The following DCLK1 variants were observed in gnomAD, a reference collection of about 807,000 sequenced individuals.
DCLK1 encodes serine/threonine-protein kinase DCLK1.
DCLK1 carries 16 observed loss-of-function variants against 86.2 expected under a neutral mutation model. The ratio of observed to expected loss-of-function variants is 0.19; its 90% CI spans 0.13 to 0.28. The LOEUF (loss-of-function observed/expected upper bound fraction) is 0.28, where lower values mean the gene tolerates loss of function less well. DCLK1 is among the 10% of genes least tolerant of loss of function. The pLI is 1.00. For synonymous variants in DCLK1, 369 were observed against 370.5 expected, an observed-to-expected ratio of 1.00 and a Z score of 0.05; for missense variants, 590 against 940.2, an observed-to-expected ratio of 0.63 and a Z score of 4.87.
chr13:35,849,010 T>A, intron 6 of DCLK1: 1 of 985,374 alleles, frequency 1.0e-6, no homozygotes. Flanking sequence ...TATTATGAAC[T>A]GTTCTTTCAA....
At chr13:36,021,180 A>T (rs1057075413) in intron 3 of DCLK1, among the ~76,000 whole-genome samples, 20 of 151,934 alleles carry the variant, frequency 1.3e-4, no homozygotes, top group African/African-American at 4.8e-4. Flanking sequence ...CATTGGCATT[A>T]TACCAAACTA....
chr13:35,848,440 A>C (rs576882437), intron 6 of DCLK1: 3 of 985,322 alleles, frequency 3.0e-6, no homozygotes, highest in Admixed American at 1.2e-4. Context: ...TAAATGATAT[A>C]TATAGCCCCT....
chr13:35,805,853 T>A, intron 14 of DCLK1, 74 bp from the exon 15 acceptor site: 2 of 1,356,974 alleles, frequency 1.5e-6, no homozygotes, highest in Non-Finnish European at 2.0e-6. Flanking sequence ...ATGCAAGAGT[T>A]CTCTTTTAGT....
At chr13:35,983,039 C>G (rs1208811301) in intron 3 of DCLK1, among the ~76,000 whole-genome samples, 1 of 152,148 alleles carries the variant, frequency 6.6e-6, no homozygotes, top group African/African-American at 2.4e-5. Context: ...GTTGGGATTA[C>G]AGGTGTGAGC....
chr13:36,080,898 T>A (rs1884398740), intron 3 of DCLK1, among the ~76,000 whole-genome samples: 1 of 152,046 alleles, frequency 6.6e-6, no homozygotes, highest in Non-Finnish European at 1.5e-5. Context: ...ATTTTAATTG[T>A]CACAACTGGG....
At position 35,926,338 on chromosome 13, in the gene DCLK1, G is replaced by A. The variant is rs140765072; in HGVS notation, c.823+21020C>T. On this transcript the variant is annotated intron_variant, in intron 4 of 16. Coordinates refer to ENST00000360631, the MANE Select transcript of DCLK1 (RefSeq NM_001330071.2). Reference sequence around the variant, plus strand: ...CTCCCAAAGTGCTGGGATTACAGGCGTAAGCCACCGTGCCCAGCTGCAAAT... The same window carrying A: ...CTCCCAAAGTGCTGGGATTACAGGCATAAGCCACCGTGCCCAGCTGCAAAT... 8.2e-3 allele frequency among the ~76,000 whole-genome samples: 1,249 copies of A among 152,258 alleles called. 18 individuals carry two copies. The highest frequency in any genetic ancestry group is 0.028 in the African/African-American group (1,178 of 41,550).
intron 4 of DCLK1, among the ~76,000 whole-genome samples, chr13:35,909,251 GC>G (rs1395896619): frequency 1.3e-5 from 2 of 152,222 alleles, no homozygotes; most frequent in African/African-American, 4.8e-5. Context: ...ATGTGTGAGT[GC>G]TCCCATTTCA....
intron 3 of DCLK1, among the ~76,000 whole-genome samples, chr13:36,102,921 C>T (rs1885266172): frequency 6.6e-6 from 1 of 152,172 alleles, no homozygotes. Flanking sequence ...CACTGGGAAA[C>T]TTGGCTTCAG....
intron 6 of DCLK1, among the ~76,000 whole-genome samples, chr13:35,852,859 T>C (rs1170778497): frequency 6.6e-6 from 1 of 152,220 alleles, no homozygotes; most frequent in Non-Finnish European, 1.5e-5. Flanking sequence ...TCACTCTTAA[T>C]GTCAACAACT....
chr13:35,969,806 T>C (rs1376245620), intron 3 of DCLK1, among the ~76,000 whole-genome samples: 3 of 152,140 alleles, frequency 2.0e-5, no homozygotes, highest in Non-Finnish European at 4.4e-5. Flanking sequence ...ACCCCCGATG[T>C]AATAGTATTG....
chr13:35,939,162 C>T (rs1220573760), intron 4 of DCLK1, among the ~76,000 whole-genome samples: 4 of 152,104 alleles, frequency 2.6e-5, no homozygotes, highest in Non-Finnish European at 5.9e-5. Flanking sequence ...CTTTCCACTG[C>T]TTGGAGGCAA....
intron 3 of DCLK1, among the ~76,000 whole-genome samples, chr13:35,981,890 A>T (rs2153141726): frequency 6.6e-6 from 1 of 152,200 alleles, no homozygotes; most frequent in East Asian, 1.9e-4. Context: ...TGGCTGCACC[A>T]TTTTGCATTC....
intron 6 of DCLK1, among the ~76,000 whole-genome samples, chr13:35,852,530 T>C (rs9574745): frequency 0.18 from 27,069 of 152,214 alleles, 2,703 homozygotes; most frequent in Admixed American, 0.27. Flanking sequence ...GGATTGTTTT[T>C]TTCTCTCAAG....
At chr13:35,800,883 A>ATTTTT (rs34873101) in intron 15 of DCLK1, among the ~76,000 whole-genome samples, 1 of 135,298 alleles carries the variant, frequency 7.4e-6, no homozygotes, top group African/African-American at 2.8e-5. Context: ...TGCTGGGCTA[A>ATTTTT]TTTTTTTTTT....
intron 3 of DCLK1, among the ~76,000 whole-genome samples, chr13:36,035,373 A>C (rs896097920): frequency 6.6e-6 from 1 of 152,068 alleles, no homozygotes; most frequent in Admixed American, 6.6e-5. Context: ...TACTACCCAC[A>C]CTGAAACCAC....
intron 4 of DCLK1, among the ~76,000 whole-genome samples, chr13:35,918,300 G>A (rs904180609): frequency 3.3e-5 from 5 of 152,200 alleles, no homozygotes; most frequent in Admixed American, 1.3e-4. Flanking sequence ...GTTTGTCAGA[G>A]GTGGTTGCAA....
chr13:35,991,007 C>T (rs947256661), intron 3 of DCLK1, among the ~76,000 whole-genome samples: 36 of 152,148 alleles, frequency 2.4e-4, no homozygotes, highest in Admixed American at 7.9e-4. Flanking sequence ...ATACCCTCTC[C>T]TTGGTGATGG....
rs186326705 is a variant in DCLK1 at position 35,948,683 on chromosome 13, G to A, written c.724-1226C>T. 7.4e-4 allele frequency among the ~76,000 whole-genome samples: 113 copies of A among 152,266 alleles called. 1 individual carries two copies. The highest frequency in any genetic ancestry group is 1.3e-3 in the Non-Finnish European group (89 of 68,010). On this transcript the variant is annotated intron_variant, in intron 3 of 16. Coordinates refer to ENST00000360631, the MANE Select transcript of DCLK1 (RefSeq NM_001330071.2). ...CTCATTTCTAAATAATCACTTGGCC[G>A]AAGTTTTTAAAATGGAATTTCTATA...
chr13:36,098,604 C>A (rs940943603), intron 3 of DCLK1, among the ~76,000 whole-genome samples: 3 of 152,176 alleles, frequency 2.0e-5, no homozygotes, highest in African/African-American at 7.2e-5. Flanking sequence ...AGTTGCCAAT[C>A]CTCAAAATAG....
Sources: allele counts gnomAD v4.1 joint callset (sites outside exome capture counted in the v4.1 genomes callset), GRCh38; gene constraint gnomAD v4.1.1; transcripts MANE v1.5; gene names NCBI Gene and HGNC (gene_info 2026-07-23, HGNC 2026-07-21).